PGBD5: variants seen among roughly 807,000 people sequenced by gnomAD.
PGBD5 encodes piggyBac transposable element-derived protein 5.
Under a neutral mutation model 47.9 loss-of-function variants are expected in PGBD5, and 14 were observed. The observed-to-expected ratio is 0.29, with a 90% CI of 0.19 to 0.46. The LOEUF (loss-of-function observed/expected upper bound fraction) is 0.46. Ranked by LOEUF, PGBD5 falls within the 20% of genes least tolerant of loss-of-function variation. The pLI is 1.00. For synonymous variants in PGBD5, 316 were observed against 306.3 expected (o/e 1.03, Z -0.33); for missense variants, 635 against 716.0 (o/e 0.89, Z 1.29).
chr1:230,322,025 C>G lies in PGBD5; in HGVS notation c.*1400G>C, dbSNP rs897573174. ...GCCCATAGCCTGAGTAGAATAGATT[C>G]TGTATTTGTAAAAAATGAGGTGGTT... On this transcript the variant is annotated 3_prime_UTR_variant, in exon 7 of 7. Transcript: ENST00000391860. The surrounding 1 kb of genome is among the most constrained non-coding windows in gnomAD (Gnocchi z 5.9). The G allele has an allele frequency of 6.6e-6, 1 of 152,224 alleles. No individual in the cohort carries two copies. Among genetic ancestry groups the G allele is most frequent in the Non-Finnish European group, 1.5e-5 (1 of 68,046 alleles). The allele number at this position is 152,224 out of a possible 1,614,324, so 9.4% of individuals were successfully genotyped here.
intron 1 of PGBD5, among the ~76,000 whole-genome samples, chr1:230,420,479 G>T (rs1413644777): frequency 1.3e-5 from 2 of 152,192 alleles, no homozygotes; most frequent in African/African-American, 4.8e-5. Flanking sequence ...ACCTTGAATT[G>T]TAATAATCCC....
chr1:230,417,174 A>G (rs569781087), intron 1 of PGBD5, among the ~76,000 whole-genome samples: 1 of 152,272 alleles, frequency 6.6e-6, no homozygotes, highest in East Asian at 1.9e-4. Context: ...CCATAGTCAG[A>G]TATTTCAGGG....
At position 230,332,836 on chromosome 1, in the gene PGBD5, G is replaced by A. The variant is rs1160575583; in HGVS notation, c.1273+8C>T. 17 of 1,613,974 alleles carry A rather than the reference G, an allele frequency of 1.1e-5. No individual in the cohort carries two copies. The highest frequency in any genetic ancestry group is 1.3e-5 in the African/African-American group (1 of 74,918). ...GCCCCACTGTGTCAATGGCGGACCC[G>A]CACTCACCCTGCTGCACCGGGGAGT... On this transcript the variant is annotated splice_region_variant and intron_variant, in intron 5 of 6. Coordinates refer to ENST00000391860, the MANE Select transcript of PGBD5 (RefSeq NM_001258311.2).
intron 5 of PGBD5, among the ~76,000 whole-genome samples, chr1:230,329,906 G>C (rs527382876): frequency 1.3e-5 from 2 of 152,320 alleles, no homozygotes; most frequent in East Asian, 1.9e-4. Flanking sequence ...CCTTGGGACA[G>C]AGCAGAGACC....
chr1:230,385,119 G>A (rs956786328), intron 1 of PGBD5, among the ~76,000 whole-genome samples: 10 of 151,978 alleles, frequency 6.6e-5, no homozygotes, highest in African/African-American at 1.9e-4. Flanking sequence ...CACACCCAGC[G>A]TTGGGGCTGA....
intron 1 of PGBD5, among the ~76,000 whole-genome samples, chr1:230,374,868 G>T (rs931310702): frequency 6.6e-6 from 1 of 152,176 alleles, no homozygotes; most frequent in Non-Finnish European, 1.5e-5. Flanking sequence ...ACAACATTTA[G>T]TCCTTAAATA....
chr1:230,425,834 A>G lies in PGBD5; in HGVS notation c.95T>C (p.Val32Ala). ...GCTGTCCGGGCCGGACTCGCCGAAC[A>G]CGTCGTCCGAGATGTGCAGGCTCTC... is the stretch of plus-strand genomic sequence containing the variant. ...RYESLHISDD[V>A]FGESGPDSGG... Residue 32 changes from valine (V) to alanine (A), a missense_variant, in exon 1 of 7, where the codon GTG becomes GCG. By Grantham distance (64) the Val-to-Ala change is moderately conservative. Coordinates refer to ENST00000391860, the MANE Select transcript of PGBD5 (RefSeq NM_001258311.2). The surrounding 1 kb of genome is among the most constrained non-coding windows in gnomAD (Gnocchi z 4.7). 1 of 1,203,494 alleles carries G rather than the reference A, an allele frequency of 8.3e-7. No homozygotes were observed. The highest frequency in any genetic ancestry group is 1.0e-6 in the Non-Finnish European group (1 of 970,266). 74.6% of individuals were successfully genotyped at this position (1,203,494 alleles called of 1,614,324 possible).
chr1:230,417,850 G>A (rs1186533075), intron 1 of PGBD5, among the ~76,000 whole-genome samples: 2 of 152,222 alleles, frequency 1.3e-5, no homozygotes, highest in African/African-American at 4.8e-5. Flanking sequence ...GGCTCAATGT[G>A]CTGGCTGAAT....
intron 2 of PGBD5, among the ~76,000 whole-genome samples, chr1:230,353,405 C>T (rs753798573): frequency 6.6e-6 from 1 of 152,052 alleles, no homozygotes; most frequent in Non-Finnish European, 1.5e-5. Context: ...GCAGTATCTC[C>T]CCATTTTGTA....
chr1:230,405,415 T>G (rs1224445093), intron 1 of PGBD5, among the ~76,000 whole-genome samples: 1 of 152,130 alleles, frequency 6.6e-6, no homozygotes, highest in Non-Finnish European at 1.5e-5. Flanking sequence ...AGTAAATATA[T>G]TTTCTCTTTC....
chr1:230,378,385 A>G (rs766490065), intron 1 of PGBD5, among the ~76,000 whole-genome samples: 1 of 152,172 alleles, frequency 6.6e-6, no homozygotes, highest in Non-Finnish European at 1.5e-5. Context: ...TCCATCCCCT[A>G]AGGTCATAAC....
chr1:230,389,166 TTTTC>T (rs1366761820), intron 1 of PGBD5, among the ~76,000 whole-genome samples: 1 of 144,656 alleles, frequency 6.9e-6, no homozygotes, highest in African/African-American at 2.5e-5. Context: ...AGTGATGACA[TTTTC>T]TTTCTTTTTT....
chr1:230,327,808 C>T (rs1375063175), intron 5 of PGBD5, among the ~76,000 whole-genome samples: 4 of 152,372 alleles, frequency 2.6e-5, no homozygotes, highest in Admixed American at 6.5e-5. Context: ...TCCCCGGCCC[C>T]TTATCTCAGC....
chr1:230,359,518 T>C (rs554683500), intron 1 of PGBD5, among the ~76,000 whole-genome samples: 1 of 152,328 alleles, frequency 6.6e-6, no homozygotes. Flanking sequence ...GCCCAAGTTT[T>C]AGAATCAGAG....
At chr1:230,334,625 C>T (rs1196091242) in intron 4 of PGBD5, among the ~76,000 whole-genome samples, 1 of 152,150 alleles carries the variant, frequency 6.6e-6, no homozygotes, top group Non-Finnish European at 1.5e-5. Flanking sequence ...GTGGCCCAGA[C>T]CAATGCAATC....
intron 1 of PGBD5, among the ~76,000 whole-genome samples, chr1:230,398,226 G>A (rs1223252051): frequency 6.6e-6 from 1 of 151,546 alleles, no homozygotes; most frequent in Admixed American, 6.6e-5. Flanking sequence ...CCATAACAAA[G>A]TACCACAGAA....
intron 6 of PGBD5, among the ~76,000 whole-genome samples, chr1:230,324,083 T>A (rs1028785862): frequency 2.2e-4 from 34 of 152,136 alleles, no homozygotes; most frequent in African/African-American, 7.7e-4. Flanking sequence ...ATCCCCACCA[T>A]CCCTGCAGAT....
At chr1:230,403,889 G>A (rs1279282993) in intron 1 of PGBD5, among the ~76,000 whole-genome samples, 3 of 152,094 alleles carry the variant, frequency 2.0e-5, no homozygotes, top group Non-Finnish European at 4.4e-5. Flanking sequence ...GCTACTGGAG[G>A]ATACATACAA....
chr1:230,360,447 C>G (rs376607075), intron 1 of PGBD5, among the ~76,000 whole-genome samples: 1 of 152,296 alleles, frequency 6.6e-6, no homozygotes, highest in Middle Eastern at 3.4e-3. Context: ...TGTCCCCACC[C>G]AAATCTCATC....
Sources: allele counts gnomAD v4.1 joint callset (sites outside exome capture counted in the v4.1 genomes callset), GRCh38; gene constraint gnomAD v4.1.1; non-coding constraint Gnocchi (gnomAD v3.1); transcripts MANE v1.5; gene names NCBI Gene and HGNC (gene_info 2026-07-23, HGNC 2026-07-21).